Variants in LARGE1 observed in about 807,000 individuals in gnomAD.
The protein encoded by LARGE1 is LARGE xylosyl- and glucuronyltransferase 1, also known as xylosyl- and glucuronyltransferase LARGE1.
In LARGE1, 43 loss-of-function variants were observed where a neutral mutation model predicts 87.6. The observed-to-expected ratio is 0.49, with a 90% CI of 0.38 to 0.63. LARGE1 has a LOEUF of 0.63. Ranked by LOEUF, LARGE1 falls within the 30% of genes least tolerant of loss-of-function variation. The probability of loss-of-function intolerance (pLI) is 0.00; values close to 1 mark genes in which losing one functional copy is unlikely to be tolerated. For missense variants in LARGE1, 802 were observed against 1,000.2 expected (o/e 0.80, Z 2.67); for synonymous variants, 434 against 394.6 (o/e 1.10, Z -1.18).
At chr22:33,857,400 G>A (rs150573034) in intron 1 of LARGE1, among the ~76,000 whole-genome samples, 107 of 152,300 alleles carry the variant, frequency 7.0e-4, no homozygotes, top group African/African-American at 2.5e-3. Flanking sequence ...TACTCCCACT[G>A]GACAGGCAAC....
At chr22:33,857,955 T>G (rs1044521704) in intron 1 of LARGE1, among the ~76,000 whole-genome samples, 2 of 152,134 alleles carry the variant, frequency 1.3e-5, no homozygotes, top group African/African-American at 2.4e-5. Flanking sequence ...GCGGGCCGCT[T>G]CCAAAATGGC....
In LARGE1 at chr22:33,423,001, T is replaced by A. The variant is rs1224973945; in HGVS notation, c.892+9160A>T. 4.0e-5 allele frequency among the ~76,000 whole-genome samples: 5 copies of A among 124,172 alleles called. No homozygotes were observed. In the East Asian group the frequency reaches 1.0e-3, roughly 25 times the overall value. The allele number at this position is 124,172 out of a possible 152,430, so 81.5% of individuals were successfully genotyped here. On this transcript the variant is annotated intron_variant, in intron 7 of 14. Coordinates refer to ENST00000397394, the MANE Select transcript of LARGE1 (RefSeq NM_133642.5). ...CTAACACTACTTACGGGATATTTTT[T>A]AAAACCATTTTTTTTTTTTTGCATG... is the stretch of plus-strand genomic sequence containing the variant.
At chr22:33,363,766 A>G (rs1266193000) in intron 9 of LARGE1, among the ~76,000 whole-genome samples, 1 of 150,106 alleles carries the variant, frequency 6.7e-6, no homozygotes, top group African/African-American at 2.4e-5. Context: ...TGGAGCCATG[A>G]CGAAGTAAAA....
intron 11 of LARGE1, among the ~76,000 whole-genome samples, chr22:33,261,373 G>A (rs985104092): frequency 2.6e-5 from 4 of 152,072 alleles, no homozygotes; most frequent in African/African-American, 9.7e-5. Flanking sequence ...AAGTGCTCTG[G>A]GGCCCTGTCT....
chr22:33,852,449 C>T (rs1217180602), intron 1 of LARGE1, among the ~76,000 whole-genome samples: 2 of 152,040 alleles, frequency 1.3e-5, no homozygotes, highest in Admixed American at 6.5e-5. Context: ...ATAAAGATTT[C>T]GCCCCTTAAT....
chr22:33,671,924 A>G (rs1441811245), intron 2 of LARGE1, among the ~76,000 whole-genome samples: 1 of 152,220 alleles, frequency 6.6e-6, no homozygotes, highest in Non-Finnish European at 1.5e-5. Flanking sequence ...AATACTGACA[A>G]TTCATCTCCT....
intron 3 of LARGE1, among the ~76,000 whole-genome samples, chr22:33,637,587 G>A (rs1020328065): frequency 2.5e-5 from 3 of 117,950 alleles, no homozygotes; most frequent in South Asian, 2.9e-4. Flanking sequence ...TATAAAAGTC[G>A]TTGTAGCTTT....
Position 33,512,408 on chromosome 22 carries a change from A to C in LARGE1, c.787+52440T>G, listed in dbSNP as rs184332103. Among the ~76,000 whole-genome samples, 448 of 152,368 alleles carry C rather than the reference A, an allele frequency of 2.9e-3. 4 individuals carry two copies. Among genetic ancestry groups the C allele is most frequent in the South Asian group, 0.019 (90 of 4,834 alleles). On this transcript the variant is annotated intron_variant, in intron 6 of 14. Transcript: ENST00000397394. ...ATGAAAGTGACAGTTACAAAGATCG[A>C]TAATATTAAGTGAAAATAAAAGGCA... is the stretch of plus-strand genomic sequence containing the variant.
chr22:33,183,626 A>G (rs868547008), intron 11 of LARGE1, among the ~76,000 whole-genome samples: 1,393 of 124,370 alleles, frequency 0.011, 6 homozygotes, highest in Middle Eastern at 0.023. Context: ...ACACGCACAC[A>G]CACACACACA....
At chr22:33,451,122 T>C (rs1182431728) in intron 6 of LARGE1, among the ~76,000 whole-genome samples, 2 of 152,188 alleles carry the variant, frequency 1.3e-5, no homozygotes, top group African/African-American at 4.8e-5. Context: ...GGTCTTCTCC[T>C]GGCATGGCGT....
intron 1 of LARGE1, among the ~76,000 whole-genome samples, chr22:33,851,070 C>T (rs1270548665): frequency 6.6e-6 from 1 of 152,180 alleles, no homozygotes; most frequent in Admixed American, 6.5e-5. Flanking sequence ...TTTTTTAATT[C>T]TCTCCACAAT....
At chr22:33,731,148 C>T (rs1169566229) in intron 2 of LARGE1, among the ~76,000 whole-genome samples, 1 of 151,904 alleles carries the variant, frequency 6.6e-6, no homozygotes. Context: ...GACTACCAGG[C>T]GCCTACCACC....
chr22:33,766,677 G>A (rs930516235), intron 1 of LARGE1, among the ~76,000 whole-genome samples: 4 of 151,532 alleles, frequency 2.6e-5, no homozygotes, highest in East Asian at 3.9e-4. Context: ...CACCTGCCTC[G>A]GCCTCCCAAA....
chr22:33,241,424 C>G (rs1602136847), intron 11 of LARGE1, among the ~76,000 whole-genome samples: 1 of 152,052 alleles, frequency 6.6e-6, no homozygotes, highest in Non-Finnish European at 1.5e-5. Context: ...GAGACTGAGT[C>G]TTTCTCACTA....
chr22:33,650,670 T>C lies in LARGE1; in HGVS notation c.107-2A>G. 1 of 1,599,466 alleles carries C rather than the reference T, an allele frequency of 6.3e-7. No individual in the cohort carries two copies. The highest frequency in any genetic ancestry group is 8.5e-7 in the Non-Finnish European group (1 of 1,179,930). ...GTGACAGAGACACGGGCTTTCCATC[T>C]GGGGAGCGAAACACCAGGGAAGCTT... On this transcript the variant is annotated splice_acceptor_variant, in intron 2 of 14. Transcript: ENST00000397394. LOFTEE classifies it high-confidence loss of function.
At chr22:33,604,681 A>T in intron 4 of LARGE1, 123 bp from the exon 5 acceptor site, 1 of 1,309,724 alleles carries the variant, frequency 7.6e-7, no homozygotes, top group East Asian at 2.4e-5. Flanking sequence ...TTGTGAAAGT[A>T]AATCTGGAAT....
chr22:33,518,717 C>T (rs2071425039), intron 6 of LARGE1, among the ~76,000 whole-genome samples: 1 of 152,124 alleles, frequency 6.6e-6, no homozygotes, highest in Admixed American at 6.5e-5. Context: ...TGAGGCCCTC[C>T]CAGGTCACCA....
At chr22:33,597,612 T>C (rs1194599073) in intron 5 of LARGE1, among the ~76,000 whole-genome samples, 1 of 152,162 alleles carries the variant, frequency 6.6e-6, no homozygotes, top group African/African-American at 2.4e-5. Context: ...GCAGCCACAG[T>C]CCTGAATCTC....
intron 1 of LARGE1, among the ~76,000 whole-genome samples, chr22:33,836,287 G>A (rs1347189022): frequency 2.0e-5 from 3 of 152,176 alleles, no homozygotes; most frequent in Non-Finnish European, 4.4e-5. Flanking sequence ...TGTAATATGG[G>A]AAAATGGAAG....
Sources: gnomAD v4.1 joint callset for allele counts (sites outside exome capture counted in the v4.1 genomes callset) on GRCh38, gnomAD v4.1.1 for gene constraint, MANE v1.5 for transcripts, NCBI Gene and HGNC (gene_info 2026-07-23, HGNC 2026-07-21) for gene names.